TCF12: variants seen among roughly 807,000 people sequenced by gnomAD.
TCF12 encodes transcription factor 12.
TCF12 carries 45 observed loss-of-function variants against 86.0 expected under a neutral mutation model. That is an observed-to-expected ratio of 0.52 (90% CI 0.41 to 0.67). The LOEUF is 0.67. Among genes scored for constraint, TCF12 ranks in the 30% least tolerant of loss-of-function variants. TCF12 has a pLI of 0.00. For synonymous variants in TCF12, 330 were observed against 299.6 expected (o/e 1.10, Z -1.05); for missense variants, 881 against 859.9 (o/e 1.02, Z -0.31).
chr15:57,195,725 C>T (rs577673534), intron 7 of TCF12, among the ~76,000 whole-genome samples: 5 of 152,250 alleles, frequency 3.3e-5, no homozygotes, highest in South Asian at 2.1e-4. Context: ...AAACTGGGGC[C>T]GGGCATGGTG....
intron 8 of TCF12, among the ~76,000 whole-genome samples, chr15:57,226,617 A>G (rs2058894168): frequency 6.6e-6 from 1 of 152,206 alleles, no homozygotes; most frequent in African/African-American, 2.4e-5. Flanking sequence ...CATGTTCAGA[A>G]AAGTAGGTAG....
chr15:57,250,229 T>G (rs904282521), intron 13 of TCF12, among the ~76,000 whole-genome samples: 1 of 152,220 alleles, frequency 6.6e-6, no homozygotes, highest in African/African-American at 2.4e-5. Context: ...CTAAAGGCAC[T>G]GTCAGTTACT....
At chr15:57,123,968 C>CCAAAAAAAAAAAAAA (rs2051430339) in intron 5 of TCF12, among the ~76,000 whole-genome samples, 1 of 81,078 alleles carries the variant, frequency 1.2e-5, no homozygotes. Flanking sequence ...GACTCCGTCT[C>CCAAAAAAAAAAAAAA]AAAAAAAAAA....
At chr15:57,239,113 G>C (rs536810411) in intron 12 of TCF12, among the ~76,000 whole-genome samples, 1 of 152,294 alleles carries the variant, frequency 6.6e-6, no homozygotes, top group Admixed American at 6.5e-5. Context: ...AGCACTTTAG[G>C]AGGCTGAGGC....
At chr15:57,227,673 T>G (rs935068650) in intron 8 of TCF12, among the ~76,000 whole-genome samples, 34 of 150,232 alleles carry the variant, frequency 2.3e-4, no homozygotes, top group Admixed American at 2.2e-3. Context: ...TCTTCCAAGT[T>G]AGAACTGTCT....
chr15:57,112,523 CTG>C (rs1567446543), intron 5 of TCF12, among the ~76,000 whole-genome samples: 1 of 152,106 alleles, frequency 6.6e-6, no homozygotes, highest in Non-Finnish European at 1.5e-5. Flanking sequence ...ACTTAGATTG[CTG>C]TATAGCAATC....
intron 5 of TCF12, among the ~76,000 whole-genome samples, chr15:57,131,831 A>G (rs2052148673): frequency 6.6e-6 from 1 of 152,252 alleles, no homozygotes; most frequent in Non-Finnish European, 1.5e-5. Flanking sequence ...GCTAAACAAC[A>G]AATAGTAAGA....
At chr15:57,069,090 AC>A (rs1454675917) in intron 4 of TCF12, among the ~76,000 whole-genome samples, 1 of 152,130 alleles carries the variant, frequency 6.6e-6, no homozygotes, top group Non-Finnish European at 1.5e-5. Flanking sequence ...GTGTTAGCCA[AC>A]CTACGCCAAG....
At chr15:56,984,559 T>C (rs1364040741) in intron 3 of TCF12, among the ~76,000 whole-genome samples, 1 of 151,786 alleles carries the variant, frequency 6.6e-6, no homozygotes, top group Non-Finnish European at 1.5e-5. Context: ...AAAATAATGG[T>C]AAAAAAAATT....
chr15:57,087,215 C>T (rs1423655380), intron 4 of TCF12, among the ~76,000 whole-genome samples: 1 of 151,874 alleles, frequency 6.6e-6, no homozygotes, highest in South Asian at 2.1e-4. Flanking sequence ...GAATTCAAGA[C>T]TAGCCTGGAC....
chr15:57,247,951 T>C, intron 13 of TCF12: 2 of 749,554 alleles, frequency 2.7e-6, no homozygotes, highest in Non-Finnish European at 4.9e-6. Context: ...TTGCAAAAGC[T>C]CTGGTTCCTT....
At chr15:57,083,919 T>G (rs2048468127) in intron 4 of TCF12, among the ~76,000 whole-genome samples, 1 of 152,178 alleles carries the variant, frequency 6.6e-6, no homozygotes, top group African/African-American at 2.4e-5. Flanking sequence ...TTGTATATTC[T>G]TTTTTCCTCC....
At chr15:57,242,917 C>G (rs1356378005) in intron 12 of TCF12, among the ~76,000 whole-genome samples, 3 of 152,128 alleles carry the variant, frequency 2.0e-5, no homozygotes, top group Admixed American at 6.5e-5. Flanking sequence ...AGAGTATCTT[C>G]TGAGAATAAG....
At chr15:57,007,792 C>CTTTCTTTCTTTCTTTCTT (rs1567241669) in intron 3 of TCF12, among the ~76,000 whole-genome samples, 2 of 52,536 alleles carry the variant, frequency 3.8e-5, no homozygotes, top group South Asian at 7.9e-4. Context: ...CTTTCTTTCT[C>CTTTCTTTCTTTCTTTCTT]TCTTTCTTTC....
intron 3 of TCF12, among the ~76,000 whole-genome samples, chr15:56,947,673 GT>G (rs1161194092): frequency 2.0e-5 from 3 of 152,116 alleles, no homozygotes; most frequent in Admixed American, 6.5e-5. Context: ...GGTTTATCTA[GT>G]CCCAATTACT....
chr15:57,132,668 C>CT (rs1366248218), intron 5 of TCF12, among the ~76,000 whole-genome samples: 3 of 152,084 alleles, frequency 2.0e-5, no homozygotes, highest in African/African-American at 7.2e-5. Context: ...TGCTGGTTTG[C>CT]TTTTTTTAAG....
chr15:57,044,398 A>T (rs1382436567), intron 3 of TCF12, among the ~76,000 whole-genome samples: 2 of 139,038 alleles, frequency 1.4e-5, no homozygotes, highest in Non-Finnish European at 3.2e-5. Flanking sequence ...CCCGTCTCTT[A>T]AAAAAAAAAT....
intron 5 of TCF12, among the ~76,000 whole-genome samples, chr15:57,155,823 T>G (rs2054075382): frequency 1.3e-5 from 2 of 152,180 alleles, no homozygotes; most frequent in African/African-American, 4.8e-5. Context: ...ACAGTCTTAG[T>G]AGAACCTAAA....
chr15:57,240,404 T>G (rs1295175481), intron 12 of TCF12, among the ~76,000 whole-genome samples: 2 of 152,180 alleles, frequency 1.3e-5, no homozygotes, highest in African/African-American at 2.4e-5. Context: ...GTTGGGCTAG[T>G]TGACAGTTTT....
Sources: gnomAD v4.1 joint callset for allele counts (sites outside exome capture counted in the v4.1 genomes callset) on GRCh38, gnomAD v4.1.1 for gene constraint, MANE v1.5 for transcripts, NCBI Gene and HGNC (gene_info 2026-07-23, HGNC 2026-07-21) for gene names.